Variants in TENM4 observed in about 807,000 individuals in gnomAD.
TENM4 encodes teneurin-4.
Under a neutral mutation model 243.3 loss-of-function variants are expected in TENM4, and 82 were observed. That is an observed-to-expected ratio of 0.34 (90% confidence interval 0.28 to 0.40). The LOEUF (loss-of-function observed/expected upper bound fraction) is 0.40. Ranked by LOEUF, TENM4 falls within the 10% of genes least tolerant of loss-of-function variation. TENM4 has a pLI of 1.00. For missense variants in TENM4, 3,138 were observed against 3,673.3 expected (o/e 0.85, Z 3.77); for synonymous variants, 1,412 against 1,456.3 (o/e 0.97, Z 0.69).
intron 6 of TENM4, among the ~76,000 whole-genome samples, chr11:78,987,186 A>T (rs1389858844): frequency 6.6e-6 from 1 of 152,210 alleles, no homozygotes; most frequent in Non-Finnish European, 1.5e-5. Flanking sequence ...TGATGATATA[A>T]TAACAGTGAT....
chr11:78,729,458 T>C lies in TENM4; in HGVS notation c.3324A>G (p.Ala1108=). 1 of 1,610,046 alleles carries C rather than the reference T, an allele frequency of 6.2e-7. No individual in the cohort carries two copies. Among genetic ancestry groups the C allele is most frequent in the Non-Finnish European group, 8.5e-7 (1 of 1,177,930 alleles). The change falls in exon 22 of 34, where the codon GCA becomes GCG. Residue 1108 remains alanine (A), a synonymous_variant. Coordinates refer to ENST00000278550, the MANE Select transcript of TENM4 (RefSeq NM_001098816.3). ...TGAAATAATAGGACAGGTCTGGGGC[T>C]GCAGCGAACCACTTCCTGAAGAGGC... ...EGRLFRKWFA[A]APDLSYYFIW...
At chr11:79,006,300 C>T (rs718898) in intron 6 of TENM4, among the ~76,000 whole-genome samples, 2,352 of 152,216 alleles carry the variant, frequency 0.015, 35 homozygotes, top group Admixed American at 0.038. Context: ...TATTGGGATA[C>T]CTTCAAGTTG....
At chr11:79,117,250 G>A (rs142271505) in intron 4 of TENM4, among the ~76,000 whole-genome samples, 6,032 of 152,196 alleles carry the variant, frequency 0.04, 183 homozygotes, top group Non-Finnish European at 0.061. Context: ...CTCTCTTTAC[G>A]TCAGAGACAG....
intron 25 of TENM4, among the ~76,000 whole-genome samples, chr11:78,717,879 G>A (rs1223435512): frequency 6.6e-6 from 1 of 152,208 alleles, no homozygotes; most frequent in Non-Finnish European, 1.5e-5. Context: ...TGACCCTGGG[G>A]AAGAGCTCTG....
At chr11:79,341,280 T>C (rs1196283450) in intron 1 of TENM4, among the ~76,000 whole-genome samples, 3 of 152,192 alleles carry the variant, frequency 2.0e-5, no homozygotes, top group Non-Finnish European at 4.4e-5. Flanking sequence ...GAAACTGAGA[T>C]CTGTCAGCAG....
At chr11:79,173,656 C>T (rs1255253081) in intron 3 of TENM4, among the ~76,000 whole-genome samples, 1 of 152,208 alleles carries the variant, frequency 6.6e-6, no homozygotes, top group Non-Finnish European at 1.5e-5. Flanking sequence ...ACTTATTGGG[C>T]TGCCTCAAAG....
chr11:79,365,653 G>A (rs1170522356), intron 1 of TENM4, among the ~76,000 whole-genome samples: 2 of 152,160 alleles, frequency 1.3e-5, no homozygotes. Flanking sequence ...CTGCAGTGGG[G>A]AGACAGGCAT....
intron 23 of TENM4, among the ~76,000 whole-genome samples, chr11:78,723,344 T>G (rs1356613464): frequency 6.6e-6 from 1 of 152,278 alleles, no homozygotes; most frequent in African/African-American, 2.4e-5. Flanking sequence ...TACTTGTTTT[T>G]CTCTTTCAAT....
At chr11:78,864,251 T>C (rs917381343) in intron 9 of TENM4, among the ~76,000 whole-genome samples, 1 of 151,852 alleles carries the variant, frequency 6.6e-6, no homozygotes, top group African/African-American at 2.4e-5. Context: ...TGTGCATATA[T>C]TTCTGTTCTA....
At chr11:79,305,125 A>T (rs1039554877) in intron 1 of TENM4, among the ~76,000 whole-genome samples, 2 of 152,328 alleles carry the variant, frequency 1.3e-5, no homozygotes, top group East Asian at 3.9e-4. Flanking sequence ...CTCAGATTAC[A>T]ATTGGTGGCT....
rs544139863 is a variant in TENM4, at chr11:79,376,760, G to C, written c.-321+63749C>G. On this transcript the variant is annotated intron_variant, in intron 1 of 33. Coordinates refer to ENST00000278550, the MANE Select transcript of TENM4 (RefSeq NM_001098816.3). The stretch of plus-strand genomic sequence containing the variant: ...CTAACTGCCTATCCTGCCCTTGCCA[G>C]GGTGGTATGTCCCCTCAGAGTGGCT... Among the ~76,000 whole-genome samples, 6 of 152,312 alleles carry C rather than the reference G, an allele frequency of 3.9e-5. No homozygotes were observed. The South Asian group carries it at 1.2e-3, about 32-fold the overall frequency.
At chr11:79,399,319 G>T (rs1288401961) in intron 1 of TENM4, among the ~76,000 whole-genome samples, 2 of 152,212 alleles carry the variant, frequency 1.3e-5, no homozygotes, top group Admixed American at 6.5e-5. Context: ...ATGAGTAGTT[G>T]TTTCCCATAT....
intron 1 of TENM4, among the ~76,000 whole-genome samples, chr11:79,322,035 G>A (rs881028): frequency 0.011 from 1,623 of 152,282 alleles, 31 homozygotes; most frequent in African/African-American, 0.037. Context: ...TGGAATTGAT[G>A]TAAATGACAG....
intron 19 of TENM4, among the ~76,000 whole-genome samples, chr11:78,752,607 G>A (rs1332838779): frequency 6.6e-6 from 1 of 152,208 alleles, no homozygotes; most frequent in East Asian, 1.9e-4. Flanking sequence ...TGGGGTGCAG[G>A]AGAATATGGG....
At chr11:79,209,309 G>A (rs1325928757) in intron 3 of TENM4, among the ~76,000 whole-genome samples, 1 of 152,210 alleles carries the variant, frequency 6.6e-6, no homozygotes, top group Non-Finnish European at 1.5e-5. Flanking sequence ...CCGGCCTTGG[G>A]AAAGGGCAGA....
chr11:78,659,376 A>G (rs957025652), intron 33 of TENM4, among the ~76,000 whole-genome samples: 4 of 152,216 alleles, frequency 2.6e-5, no homozygotes, highest in African/African-American at 9.6e-5. Context: ...CATACAACTA[A>G]TAACAAGTCA....
At chr11:79,040,417 C>T (rs139062563) in intron 6 of TENM4, among the ~76,000 whole-genome samples, 1,698 of 152,314 alleles carry the variant, frequency 0.011, 10 homozygotes, top group Middle Eastern at 0.024. Context: ...AGCCAGCCTC[C>T]GGCCTCCTGC....
intron 9 of TENM4, among the ~76,000 whole-genome samples, chr11:78,869,917 C>T (rs1295385181): frequency 1.3e-5 from 2 of 152,144 alleles, no homozygotes; most frequent in Non-Finnish European, 2.9e-5. Context: ...AAAGCATGGG[C>T]CCCCATCCTT....
intron 3 of TENM4, among the ~76,000 whole-genome samples, chr11:79,210,387 A>G (rs1384113773): frequency 1.3e-5 from 2 of 152,218 alleles, no homozygotes; most frequent in South Asian, 2.1e-4. Context: ...ATAGACTCCA[A>G]TTGGGTGGAC....
Sources: gnomAD v4.1 joint callset for allele counts (sites outside exome capture counted in the v4.1 genomes callset) on GRCh38, gnomAD v4.1.1 for gene constraint, MANE v1.5 for transcripts, NCBI Gene and HGNC (gene_info 2026-07-23, HGNC 2026-07-21) for gene names.